CLVS1: variants seen among roughly 807,000 people sequenced by gnomAD.
CLVS1 encodes the protein clavesin-1.
In CLVS1, 10 loss-of-function variants were observed where a neutral mutation model predicts 33.1. That is an observed-to-expected ratio of 0.30 (90% CI 0.19 to 0.51). The LOEUF (loss-of-function observed/expected upper bound fraction) is 0.51. Among genes scored for constraint, CLVS1 ranks in the 20% least tolerant of loss-of-function variants. CLVS1 has a pLI of 0.97. For missense variants in CLVS1, 343 were observed against 433.4 expected, an observed-to-expected ratio of 0.79 and a Z score of 1.85; for synonymous variants, 163 against 166.1, an observed-to-expected ratio of 0.98 and a Z score of 0.14.
intron 2 of CLVS1, among the ~76,000 whole-genome samples, chr8:61,248,521 T>A (rs1297731846): frequency 6.6e-6 from 1 of 152,200 alleles, no homozygotes; most frequent in Admixed American, 6.5e-5. Context: ...GTTAGCTGTA[T>A]TCCTAGTTTT....
intron 2 of CLVS1, among the ~76,000 whole-genome samples, chr8:61,182,625 C>T (rs750003522): frequency 1.4e-4 from 21 of 152,082 alleles, no homozygotes; most frequent in Admixed American, 3.9e-4. Context: ...AAAACCCCAG[C>T]GAGATACCGT....
chr8:61,097,172 C>T (rs1805366355), intron 1 of CLVS1, among the ~76,000 whole-genome samples: 1 of 149,550 alleles, frequency 6.7e-6, no homozygotes, highest in Admixed American at 6.7e-5. Flanking sequence ...TCAGCCTGGG[C>T]AACATAGGGA....
intron 2 of CLVS1, among the ~76,000 whole-genome samples, chr8:61,312,753 G>A: frequency 6.6e-6 from 1 of 152,088 alleles, no homozygotes. Context: ...TAAATACAGG[G>A]TATTTAATCT....
At chr8:61,453,027 G>C (rs891169691) in intron 3 of CLVS1, among the ~76,000 whole-genome samples, 1 of 151,848 alleles carries the variant, frequency 6.6e-6, no homozygotes, top group Non-Finnish European at 1.5e-5. Context: ...GGAGCAGCTC[G>C]CTGCTGAACC....
intron 1 of CLVS1, among the ~76,000 whole-genome samples, chr8:61,082,245 C>T (rs1318604330): frequency 1.3e-5 from 2 of 151,724 alleles, no homozygotes; most frequent in African/African-American, 4.8e-5. Context: ...TAGAAACTTG[C>T]AAAACCATGC....
intron 1 of CLVS1, among the ~76,000 whole-genome samples, chr8:61,074,021 AAAAAAAAAAATT>A (rs1804853614): frequency 6.7e-6 from 1 of 150,042 alleles, no homozygotes; most frequent in Non-Finnish European, 1.5e-5. Context: ...AAAAAAAAAA[AAAAAAAAAAATT>A]ATAACTAAAA....
At chr8:61,355,846 C>T (rs1812678945) in intron 2 of CLVS1, among the ~76,000 whole-genome samples, 1 of 150,242 alleles carries the variant, frequency 6.7e-6, no homozygotes, top group South Asian at 2.1e-4. Context: ...CAAGTTTTTG[C>T]TATTGTGAAT....
chr8:61,184,250 C>A (rs1044566889), intron 2 of CLVS1, among the ~76,000 whole-genome samples: 45 of 152,270 alleles, frequency 3.0e-4, no homozygotes, highest in Middle Eastern at 3.4e-3. Flanking sequence ...GGACACCCAA[C>A]CGAGGCATTG....
At chr8:61,096,439 A>T (rs1426267192) in intron 1 of CLVS1, among the ~76,000 whole-genome samples, 1 of 152,202 alleles carries the variant, frequency 6.6e-6, no homozygotes, top group South Asian at 2.1e-4. Flanking sequence ...GAATTTCTTG[A>T]TTTTGTTTTA....
At chr8:61,322,259 T>A (rs1811218966) in intron 2 of CLVS1, among the ~76,000 whole-genome samples, 1 of 152,210 alleles carries the variant, frequency 6.6e-6, no homozygotes, top group African/African-American at 2.4e-5. Flanking sequence ...TCTTCTCTAA[T>A]ATTCATTACA....
intron 1 of CLVS1, among the ~76,000 whole-genome samples, chr8:61,097,308 A>T (rs937087470): frequency 5.3e-5 from 8 of 152,172 alleles, no homozygotes; most frequent in African/African-American, 1.4e-4. Context: ...AAATAAAAAA[A>T]TTAAATTAAT....
intron 1 of CLVS1, among the ~76,000 whole-genome samples, chr8:61,068,149 G>C (rs772266903): frequency 4.7e-5 from 7 of 150,166 alleles, no homozygotes; most frequent in Non-Finnish European, 1.0e-4. Context: ...TCCAGCCTGG[G>C]TGACAGAGCG....
chr8:61,013,762 A>AG, the CLVS1 span, among the ~76,000 whole-genome samples: 5 of 152,184 alleles, frequency 3.3e-5, no homozygotes, highest in African/African-American at 7.2e-5. Context: ...GGGATTTCAC[A>AG]GGGGGAAAAA....
chr8:61,061,994 A>G (rs1804591467), intron 1 of CLVS1, among the ~76,000 whole-genome samples: 1 of 152,240 alleles, frequency 6.6e-6, no homozygotes, highest in Non-Finnish European at 1.5e-5. Flanking sequence ...CCCATTCATT[A>G]TCTTATGTTT....
intron 2 of CLVS1, among the ~76,000 whole-genome samples, chr8:61,353,692 G>C (rs962469062): frequency 1.4e-5 from 2 of 146,614 alleles, no homozygotes; most frequent in Admixed American, 6.8e-5. Context: ...AAGGAAGAAT[G>C]AAACAAAATA....
At chr8:61,418,429 A>T (rs1309671664) in intron 3 of CLVS1, among the ~76,000 whole-genome samples, 1 of 152,148 alleles carries the variant, frequency 6.6e-6, no homozygotes, top group Non-Finnish European at 1.5e-5. Flanking sequence ...TTACCTAACA[A>T]AGCCAAATAA....
At chr8:61,151,004 T>G (rs1386068386) in intron 2 of CLVS1, among the ~76,000 whole-genome samples, 1 of 152,208 alleles carries the variant, frequency 6.6e-6, no homozygotes, top group Non-Finnish European at 1.5e-5. Flanking sequence ...ATAAGCCAGA[T>G]GTGGGAGCCA....
the CLVS1 span, among the ~76,000 whole-genome samples, chr8:61,002,324 C>CT: frequency 8.7e-5 from 11 of 127,140 alleles, no homozygotes; most frequent in African/African-American, 3.0e-4. Context: ...TGTATGCTTG[C>CT]TTGTTTTTTT....
At chr8:61,315,612 C>A (rs1810980800) in intron 2 of CLVS1, among the ~76,000 whole-genome samples, 1 of 152,156 alleles carries the variant, frequency 6.6e-6, no homozygotes, top group South Asian at 2.1e-4. Flanking sequence ...ACAAGGGTCA[C>A]CAGCTCTACA....
Sources: gnomAD v4.1 joint callset for allele counts (sites outside exome capture counted in the v4.1 genomes callset) on GRCh38, gnomAD v4.1.1 for gene constraint, MANE v1.5 for transcripts, NCBI Gene and HGNC (gene_info 2026-07-23, HGNC 2026-07-21) for gene names.